Variants in TRMT11 observed in about 807,000 individuals in gnomAD.
TRMT11 encodes tRNA methyltransferase 11.
A neutral mutation model predicts 62.8 loss-of-function variants in TRMT11; 53 were observed. The observed-to-expected ratio is 0.84, with a 90% CI of 0.68 to 1.06. The LOEUF (loss-of-function observed/expected upper bound fraction) is 1.06. TRMT11 is among the 50% of genes least tolerant of loss of function. The probability of loss-of-function intolerance (pLI) is 0.00; values close to 1 mark genes in which losing one functional copy is unlikely to be tolerated. For missense variants in TRMT11, 556 were observed against 553.4 expected, an observed-to-expected ratio of 1.00 and a Z score of -0.05; for synonymous variants, 188 against 190.3, an observed-to-expected ratio of 0.99 and a Z score of 0.10.
rs142145573 is a variant in TRMT11 at position 126,039,131 on chromosome 6, T to C, written c.*295T>C. ...AATTAATCTACAAAGGGAATTAATA[T>C]TGTTGACTTTTAAAACATCTGCTGG... On this transcript the variant is annotated 3_prime_UTR_variant, in exon 13 of 13. Transcript: ENST00000334379. 3.5e-4 allele frequency: 67 copies of C among 189,102 alleles called. No individual in the cohort carries two copies. Among genetic ancestry groups the C allele is most frequent in the African/African-American group, 1.5e-3 (64 of 42,916 alleles). 11.7% of individuals were successfully genotyped at this position (189,102 alleles called of 1,614,324 possible). A position where few individuals can be genotyped will look rare whatever the true frequency, so the allele number is the denominator to read the frequency against.
At chr6:126,117,015 T>A (rs1017583892) in intron 21 of TRMT11, among the ~76,000 whole-genome samples, 1 of 152,102 alleles carries the variant, frequency 6.6e-6, no homozygotes, top group African/African-American at 2.4e-5. Flanking sequence ...CTTGCTAAGA[T>A]GAAGTACCCA....
downstream of TRMT11, among the ~76,000 whole-genome samples, chr6:126,208,650 G>A (rs190960165): frequency 4.6e-5 from 7 of 152,206 alleles, no homozygotes; most frequent in Non-Finnish European, 1.0e-4. Flanking sequence ...TAGTTTATGG[G>A]GTATGTTACA....
chr6:126,139,373 A>G (rs1777888185), intron 21 of TRMT11, among the ~76,000 whole-genome samples: 1 of 151,968 alleles, frequency 6.6e-6, no homozygotes, highest in Non-Finnish European at 1.5e-5. Flanking sequence ...ACAAATATAT[A>G]TAAATATTTT....
intron 7 of TRMT11, among the ~76,000 whole-genome samples, chr6:126,004,213 G>A (rs1583671955): frequency 1.3e-5 from 2 of 151,978 alleles, no homozygotes; most frequent in African/African-American, 4.8e-5. Context: ...TTGAGTAGAT[G>A]AGGCTAGATT....
chr6:126,128,156 G>A (rs1165290750), intron 21 of TRMT11, among the ~76,000 whole-genome samples: 1 of 152,082 alleles, frequency 6.6e-6, no homozygotes, highest in Non-Finnish European at 1.5e-5. Context: ...ACTACACATT[G>A]TTGGAATACA....
In TRMT11 at chr6:126,159,312, A is replaced by G. The variant is rs1183924710; in HGVS notation, c.*1824-15513A>G. Among the ~76,000 whole-genome samples the G allele has an allele frequency of 3.9e-5, 6 of 152,176 alleles. No homozygotes were observed. In the East Asian group the frequency reaches 1.2e-3, roughly 29 times the overall value. On this transcript the variant is annotated intron_variant and NMD_transcript_variant, in intron 21 of 22. Transcript: ENST00000648977. ...GAGGTCTGCAAATACCTTAGGCTTT[A>G]GTGTCATATGGTCTCTGTCATGACT...
At chr6:126,193,727 T>C (rs529154370) in intron 1 of TRMT11, among the ~76,000 whole-genome samples, 148 of 151,980 alleles carry the variant, frequency 9.7e-4, no homozygotes, top group Non-Finnish European at 1.7e-3. Context: ...TCTCCTGACC[T>C]CGTGATCCGC....
At chr6:126,105,268 C>G (rs1777450907) in intron 17 of TRMT11, among the ~76,000 whole-genome samples, 1 of 152,176 alleles carries the variant, frequency 6.6e-6, no homozygotes, top group African/African-American at 2.4e-5. Context: ...CCCTCCTGCT[C>G]CATCATCACC....
the TRMT11 span, among the ~76,000 whole-genome samples, chr6:126,235,119 T>TGACCC: frequency 6.6e-6 from 1 of 152,142 alleles, no homozygotes; most frequent in Admixed American, 6.5e-5. Flanking sequence ...ACATCACTGA[T>TGACCC]CATTAGAGCA....
chr6:126,250,944 C>A, the TRMT11 span, among the ~76,000 whole-genome samples: 7 of 151,462 alleles, frequency 4.6e-5, no homozygotes, highest in South Asian at 1.5e-3. Context: ...ATAACTAGGT[C>A]ATTTCCTTTG....
At chr6:126,099,192 CT>C (rs1777370508) in intron 17 of TRMT11, among the ~76,000 whole-genome samples, 2 of 152,166 alleles carry the variant, frequency 1.3e-5, no homozygotes, top group Admixed American at 6.5e-5. Context: ...TTCAAACGTG[CT>C]GTATTTTGAA....
intron 17 of TRMT11, among the ~76,000 whole-genome samples, chr6:126,055,358 C>G (rs142460329): frequency 1.3e-5 from 2 of 152,328 alleles, no homozygotes; most frequent in South Asian, 2.1e-4. Flanking sequence ...CTGGTTTTCT[C>G]TAACACTCCC....
the TRMT11 span, among the ~76,000 whole-genome samples, chr6:126,249,805 A>G: frequency 1.3e-5 from 2 of 152,196 alleles, no homozygotes; most frequent in Non-Finnish European, 2.9e-5. Flanking sequence ...GAAGATAAAC[A>G]TGATGGATAT....
At position 126,008,671 on chromosome 6, in the gene TRMT11, A is replaced by G. The variant is rs1346992996; in HGVS notation, c.760+199A>G. 4 of 696,054 alleles carry G rather than the reference A, an allele frequency of 5.7e-6. No homozygotes were observed. The African/African-American group carries it at 7.0e-5, about 12-fold the overall frequency. 43.1% of individuals were successfully genotyped at this position (696,054 alleles called of 1,614,324 possible). On this transcript the variant is annotated intron_variant, in intron 8 of 12. Coordinates refer to ENST00000334379, the MANE Select transcript of TRMT11 (RefSeq NM_001031712.3). ...TTCCTCCTCAGCCTGCTCAACATGA[A>G]GGTGATGAGGATGAAGACCTTTATG...
chr6:126,219,978 GT>G, the TRMT11 span, among the ~76,000 whole-genome samples: 4 of 152,166 alleles, frequency 2.6e-5, no homozygotes, highest in East Asian at 7.7e-4. Flanking sequence ...CTCAGCCAAA[GT>G]TTTTTTCTGG....
intron 1 of TRMT11, chr6:125,987,160 CT>C (rs1789785421): frequency 6.5e-6 from 1 of 153,178 alleles, no homozygotes; most frequent in South Asian, 2.0e-4. Flanking sequence ...AGAGTAAGGG[CT>C]GAGCAGACAC....
At chr6:126,129,734 CA>C (rs896422749) in intron 21 of TRMT11, among the ~76,000 whole-genome samples, 2 of 152,018 alleles carry the variant, frequency 1.3e-5, no homozygotes, top group African/African-American at 4.8e-5. Flanking sequence ...CTATGTTGCC[CA>C]GGCTACATTC....
the TRMT11 span, among the ~76,000 whole-genome samples, chr6:126,225,334 G>A: frequency 6.6e-6 from 1 of 152,132 alleles, no homozygotes; most frequent in Admixed American, 6.6e-5. Flanking sequence ...GCCACTCCAT[G>A]CCTATTTAAT....
At chr6:125,986,845 C>A in intron 1 of TRMT11, 1 of 543,330 alleles carries the variant, frequency 1.8e-6, no homozygotes, top group South Asian at 2.5e-5. Context: ...ACTTTTCATT[C>A]TTTTGCCCGT....
Sources: gnomAD v4.1 joint callset for allele counts (sites outside exome capture counted in the v4.1 genomes callset) on GRCh38, gnomAD v4.1.1 for gene constraint, MANE v1.5 for transcripts, NCBI Gene and HGNC (gene_info 2026-07-23, HGNC 2026-07-21) for gene names.